Variants in ELFN2 observed in about 807,000 individuals in gnomAD.
ELFN2 encodes protein phosphatase 1 regulatory subunit 29.
In ELFN2, 17 loss-of-function variants were observed where a neutral mutation model predicts 45.5. The ratio of observed to expected loss-of-function variants is 0.37; its 90% confidence interval spans 0.26 to 0.56. The LOEUF is 0.56. ELFN2 is among the 20% of genes least tolerant of loss of function. ELFN2 has a pLI of 0.77. For synonymous variants in ELFN2, 550 were observed against 551.5 expected (o/e 1.00, Z 0.04); for missense variants, 922 against 1,183.2 (o/e 0.78, Z 3.24).
chr22:37,386,215 C>G (rs901257460), intron 2 of ELFN2, among the ~76,000 whole-genome samples: 1 of 152,302 alleles, frequency 6.6e-6, no homozygotes, highest in East Asian at 1.9e-4. Flanking sequence ...CAAGCATGGC[C>G]ACTGTGGACA....
At chr22:37,425,693 T>C (rs1932842301) in intron 1 of ELFN2, among the ~76,000 whole-genome samples, 1 of 152,026 alleles carries the variant, frequency 6.6e-6, no homozygotes, top group Admixed American at 6.6e-5. Context: ...GGCCCAGAGG[T>C]ACCCACCTCC....
At chr22:37,347,635 T>C (rs1013208748) in intron 1 of ELFN2, among the ~76,000 whole-genome samples, 3 of 131,282 alleles carry the variant, frequency 2.3e-5, no homozygotes, top group African/African-American at 9.3e-5. Flanking sequence ...AGGTGGTGGG[T>C]GGCAGAACAC....
chr22:37,402,659 A>G (rs111296424), intron 2 of ELFN2, among the ~76,000 whole-genome samples: 3,047 of 152,156 alleles, frequency 0.02, 120 homozygotes, highest in African/African-American at 0.071. Flanking sequence ...TTCTCTCCTG[A>G]GCCCCTGTGC....
intron 1 of ELFN2, among the ~76,000 whole-genome samples, chr22:37,361,353 G>C (rs1287944772): frequency 4.1e-5 from 5 of 122,888 alleles, no homozygotes; most frequent in Non-Finnish European, 8.6e-5. Flanking sequence ...CCCTTATCCT[G>C]CCCTCCATGA....
chr22:37,358,116 G>C (rs181732437), intron 1 of ELFN2, among the ~76,000 whole-genome samples: 3 of 152,222 alleles, frequency 2.0e-5, no homozygotes, highest in South Asian at 4.2e-4. Flanking sequence ...AGCCTCTCCA[G>C]GTGGAGTCTG....
intron 2 of ELFN2, among the ~76,000 whole-genome samples, chr22:37,376,508 T>G (rs1329564838): frequency 6.6e-6 from 1 of 152,156 alleles, no homozygotes. Context: ...CAAAAAGAAT[T>G]AAGAAGCCCA....
chr22:37,377,209 C>T (rs1487272772), intron 2 of ELFN2, among the ~76,000 whole-genome samples: 1 of 152,236 alleles, frequency 6.6e-6, no homozygotes, highest in African/African-American at 2.4e-5. Flanking sequence ...AGTGGGGAAA[C>T]TGAGCCACAG....
chr22:37,413,323 G>A (rs769067725), intron 2 of ELFN2, among the ~76,000 whole-genome samples: 2 of 151,880 alleles, frequency 1.3e-5, no homozygotes, highest in Non-Finnish European at 2.9e-5. Context: ...AGCTGGCAGT[G>A]AAGTCTCCTA....
chr22:37,372,712 C>G lies in ELFN2; in HGVS notation c.*360G>C, dbSNP rs1005690969. 1 of 108,328 alleles carries G rather than the reference C, an allele frequency of 9.2e-6. No individual in the cohort carries two copies. The highest frequency in any genetic ancestry group is 2.3e-4 in the South Asian group (1 of 4,300). 6.7% of individuals were successfully genotyped at this position (108,328 alleles called of 1,614,324 possible). A position where few individuals can be genotyped will look rare whatever the true frequency, so the allele number is the denominator to read the frequency against. On this transcript the variant is annotated 3_prime_UTR_variant, in exon 3 of 3. Coordinates refer to ENST00000402918, the MANE Select transcript of ELFN2 (RefSeq NM_052906.5). This position sits in a 1 kb window ranked among gnomAD's most constrained non-coding sequence, Gnocchi z 4.4. ...CTTGACCCCCACACCTGTTTCTAGC[C>G]CCAGACCCCCCAGACCCCACACCCT...
intron 1 of ELFN2, among the ~76,000 whole-genome samples, chr22:37,358,481 G>C (rs904689656): frequency 6.6e-6 from 1 of 152,230 alleles, no homozygotes; most frequent in Non-Finnish European, 1.5e-5. Flanking sequence ...GTTTCACAGA[G>C]AGGGCCCTAG....
At chr22:37,350,042 G>T (rs1376070681) in intron 1 of ELFN2, among the ~76,000 whole-genome samples, 6 of 150,978 alleles carry the variant, frequency 4.0e-5, no homozygotes. Flanking sequence ...AGTGGGGACG[G>T]GGTGTGAGGC....
At chr22:37,398,623 C>T (rs1353439998) in intron 2 of ELFN2, among the ~76,000 whole-genome samples, 4 of 152,248 alleles carry the variant, frequency 2.6e-5, no homozygotes, top group Non-Finnish European at 5.9e-5. Context: ...AAGCCTCTGG[C>T]GCCTCCCCAG....
At chr22:37,403,722 G>A (rs1932424930) in intron 2 of ELFN2, among the ~76,000 whole-genome samples, 1 of 152,220 alleles carries the variant, frequency 6.6e-6, no homozygotes, top group African/African-American at 2.4e-5. Flanking sequence ...TCTCCCCAAC[G>A]AGGCTCATCA....
chr22:37,389,950 G>C lies in ELFN2; in HGVS notation c.-462-13954C>G, dbSNP rs143272735. Among the ~76,000 whole-genome samples, 333 of 152,318 alleles carry C rather than the reference G, an allele frequency of 2.2e-3. 4 individuals carry two copies. The highest frequency in any genetic ancestry group is 0.01 in the Middle Eastern group (3 of 294). On this transcript the variant is annotated intron_variant, in intron 2 of 2. Transcript: ENST00000402918. ...GTGGAGCTCTCCCCAAGACCAGGGG[G>C]GTGGGAACCAAGCTGGTGGGGTGAG...
intron 2 of ELFN2, among the ~76,000 whole-genome samples, chr22:37,402,375 T>C (rs1278649180): frequency 6.6e-6 from 1 of 152,188 alleles, no homozygotes; most frequent in African/African-American, 2.4e-5. Flanking sequence ...AACTGACCGC[T>C]GGAGTTTGCC....
intron 2 of ELFN2, among the ~76,000 whole-genome samples, chr22:37,394,186 G>A (rs866637044): frequency 2.0e-5 from 3 of 151,966 alleles, no homozygotes; most frequent in Non-Finnish European, 2.9e-5. Context: ...CCTCTCCCTC[G>A]TCTCTCATTT....
intron 2 of ELFN2, among the ~76,000 whole-genome samples, chr22:37,389,022 T>G (rs935983646): frequency 6.6e-6 from 1 of 151,836 alleles, no homozygotes. Context: ...GGCTTGGGAG[T>G]CAGATTATGA....
At chr22:37,346,223 GA>G (rs1930693157) in intron 1 of ELFN2, among the ~76,000 whole-genome samples, 1 of 152,206 alleles carries the variant, frequency 6.6e-6, no homozygotes, top group Admixed American at 6.5e-5. Flanking sequence ...CTGCCCTGGA[GA>G]AGCTCCGGCC....
intron 1 of ELFN2, among the ~76,000 whole-genome samples, chr22:37,421,160 G>T (rs1329841721): frequency 2.0e-5 from 3 of 152,258 alleles, no homozygotes; most frequent in Admixed American, 1.3e-4. Context: ...CCGTGTGGTT[G>T]TTCCTCAAAC....
Sources: gnomAD v4.1 joint callset for allele counts (sites outside exome capture counted in the v4.1 genomes callset) on GRCh38, gnomAD v4.1.1 for gene constraint, Gnocchi (gnomAD v3.1) non-coding constraint, MANE v1.5 for transcripts, NCBI Gene and HGNC (gene_info 2026-07-23, HGNC 2026-07-21) for gene names.